Variants in RAPGEF2 observed in about 807,000 individuals in gnomAD.
RAPGEF2 encodes Rap guanine nucleotide exchange factor 2.
Under a neutral mutation model 186.7 loss-of-function variants are expected in RAPGEF2, and 54 were observed. The ratio of observed to expected loss-of-function variants is 0.29; its 90% CI spans 0.23 to 0.36. The LOEUF (loss-of-function observed/expected upper bound fraction) is 0.36. RAPGEF2 is among the 10% of genes least tolerant of loss of function. RAPGEF2 has a pLI of 1.00. For missense variants in RAPGEF2, 1,532 were observed against 2,045.0 expected (o/e 0.75, Z 4.84); for synonymous variants, 712 against 705.9 (o/e 1.01, Z -0.14).
At chr4:159,269,335 G>A (rs1332440378) in intron 7 of RAPGEF2, among the ~76,000 whole-genome samples, 1 of 152,178 alleles carries the variant, frequency 6.6e-6, no homozygotes, top group Admixed American at 6.5e-5. Context: ...CAGCGGCTGT[G>A]TTGGAAGCAT....
chr4:159,189,353 T>C (rs1327353353), intron 2 of RAPGEF2, among the ~76,000 whole-genome samples: 1 of 152,204 alleles, frequency 6.6e-6, no homozygotes, highest in Non-Finnish European at 1.5e-5. Context: ...CACTGTGCAA[T>C]GTAAAGGTTT....
chr4:159,133,499 C>T (rs928715594), intron 1 of RAPGEF2, among the ~76,000 whole-genome samples: 6 of 151,966 alleles, frequency 3.9e-5, no homozygotes, highest in Non-Finnish European at 5.9e-5. Flanking sequence ...GCACCCTCCA[C>T]CTCCCAGGTT....
intron 1 of RAPGEF2, among the ~76,000 whole-genome samples, chr4:159,120,273 G>A (rs1191951987): frequency 2.0e-5 from 3 of 152,144 alleles, no homozygotes; most frequent in Admixed American, 6.5e-5. Flanking sequence ...ACATGCCTTG[G>A]CCTCCCAAAG....
At chr4:159,294,688 T>TTCCC (rs1227809955) in intron 7 of RAPGEF2, among the ~76,000 whole-genome samples, 1 of 148,764 alleles carries the variant, frequency 6.7e-6, no homozygotes, top group Non-Finnish European at 1.5e-5. Context: ...CCTTCCTTCC[T>TTCCC]TCTTTCCGTC....
chr4:159,163,822 A>G (rs1399635606), intron 1 of RAPGEF2, among the ~76,000 whole-genome samples: 1 of 152,208 alleles, frequency 6.6e-6, no homozygotes, highest in Non-Finnish European at 1.5e-5. Flanking sequence ...AAACAAAGGG[A>G]TTATTACATC....
At chr4:159,348,849 A>G (rs1580053309) in intron 25 of RAPGEF2, among the ~76,000 whole-genome samples, 1 of 152,350 alleles carries the variant, frequency 6.6e-6, no homozygotes, top group Middle Eastern at 3.4e-3. Flanking sequence ...TTAGTTTAAC[A>G]TACACATTTA....
At chr4:159,267,110 C>T (rs1297782759) in intron 7 of RAPGEF2, 3 of 1,208,160 alleles carry the variant, frequency 2.5e-6, no homozygotes, top group African/African-American at 3.1e-5. Context: ...GAGAGAAATC[C>T]ACTTACATCA....
At chr4:159,275,371 A>G (rs954584714) in intron 7 of RAPGEF2, among the ~76,000 whole-genome samples, 8 of 152,122 alleles carry the variant, frequency 5.3e-5, no homozygotes, top group Non-Finnish European at 7.4e-5. Context: ...TTTCTTTACA[A>G]TTATCAAAGT....
chr4:159,198,282 CTTTCTTTCT>C (rs1337031066), intron 3 of RAPGEF2, among the ~76,000 whole-genome samples: 1 of 10,814 alleles, frequency 9.2e-5, no homozygotes, highest in Admixed American at 1.3e-3. Flanking sequence ...TTCTTTCTTT[CTTTCTTTCT>C]TTCTTTCTTT....
chr4:159,193,011 A>G (rs1748275297), intron 2 of RAPGEF2, among the ~76,000 whole-genome samples, 189 bp from the exon 3 acceptor site: 1 of 152,190 alleles, frequency 6.6e-6, no homozygotes, highest in Non-Finnish European at 1.5e-5. Context: ...GCATACTTTT[A>G]CCAGATTTAA....
intron 24 of RAPGEF2, among the ~76,000 whole-genome samples, chr4:159,346,153 T>C (rs1375648976): frequency 1.3e-5 from 2 of 152,174 alleles, no homozygotes; most frequent in Non-Finnish European, 2.9e-5. Context: ...TTTCCAGGCG[T>C]GTAAAAGGGA....
At chr4:159,356,655 C>T (rs1732056488) in intron 29 of RAPGEF2, among the ~76,000 whole-genome samples, 1 of 152,164 alleles carries the variant, frequency 6.6e-6, no homozygotes, top group African/African-American at 2.4e-5. Flanking sequence ...AATCCCAGCA[C>T]TTTGGGAGGC....
chr4:159,332,849 T>C (rs891364708), intron 17 of RAPGEF2, 152 bp downstream of exon 17: 2 of 905,106 alleles, frequency 2.2e-6, no homozygotes, highest in Non-Finnish European at 1.5e-6. Flanking sequence ...CAATCAAATT[T>C]GTTTTAATCT....
At chr4:159,174,475 A>T (rs1746243781) in intron 1 of RAPGEF2, among the ~76,000 whole-genome samples, 1 of 152,212 alleles carries the variant, frequency 6.6e-6, no homozygotes, top group Non-Finnish European at 1.5e-5. Context: ...GACGAATGGG[A>T]TAAAAGAGTG....
chr4:159,336,726 T>C (rs1767480665), intron 17 of RAPGEF2, among the ~76,000 whole-genome samples: 1 of 152,012 alleles, frequency 6.6e-6, no homozygotes, highest in South Asian at 2.1e-4. Flanking sequence ...ACCTTTATAA[T>C]TTCCATTTTC....
chr4:159,260,241 G>C (rs928456045), intron 7 of RAPGEF2, among the ~76,000 whole-genome samples: 10 of 151,456 alleles, frequency 6.6e-5, no homozygotes, highest in Non-Finnish European at 1.5e-4. Flanking sequence ...CAGCCTCCCA[G>C]AGTGCTGGGA....
chr4:159,218,033 T>C (rs1425728809), intron 4 of RAPGEF2, among the ~76,000 whole-genome samples: 1 of 152,258 alleles, frequency 6.6e-6, no homozygotes, highest in African/African-American at 2.4e-5. Context: ...TACACATTTG[T>C]TATAAGTCAT....
At chr4:159,216,885 A>G (rs549322770) in intron 4 of RAPGEF2, among the ~76,000 whole-genome samples, 9 of 151,778 alleles carry the variant, frequency 5.9e-5, no homozygotes, top group Non-Finnish European at 1.3e-4. Flanking sequence ...GCTGGCAGTT[A>G]TAATGAGAAT....
At chr4:159,355,638 A>G (rs1443848104) in intron 28 of RAPGEF2, among the ~76,000 whole-genome samples, 1 of 152,252 alleles carries the variant, frequency 6.6e-6, no homozygotes, top group East Asian at 1.9e-4. Flanking sequence ...TTCTCTCACC[A>G]ATTATTTCAC....
Sources: allele counts gnomAD v4.1 joint callset (sites outside exome capture counted in the v4.1 genomes callset), GRCh38; gene constraint gnomAD v4.1.1; transcripts MANE v1.5; gene names NCBI Gene and HGNC (gene_info 2026-07-23, HGNC 2026-07-21).